MOXD1: variants seen among roughly 807,000 people sequenced by gnomAD.
MOXD1 encodes the protein monooxygenase DBH like 1.
In MOXD1, 62 loss-of-function variants were observed where a neutral mutation model predicts 66.6. The observed-to-expected ratio is 0.93, with a 90% CI of 0.76 to 1.15. The LOEUF (loss-of-function observed/expected upper bound fraction) is 1.15. Among genes scored for constraint, MOXD1 ranks in the 50% most tolerant of loss-of-function variants. The pLI is 0.00. For missense variants in MOXD1, 847 were observed against 754.6 expected, an observed-to-expected ratio of 1.12 and a Z score of -1.44; for synonymous variants, 303 against 281.9, an observed-to-expected ratio of 1.07 and a Z score of -0.75.
At chr6:132,359,325 T>TCTC (rs1775967254) in intron 4 of MOXD1, among the ~76,000 whole-genome samples, 1 of 151,992 alleles carries the variant, frequency 6.6e-6, no homozygotes, top group African/African-American at 2.4e-5. Flanking sequence ...GGTCTCGAAT[T>TCTC]CTCCTCCCAA....
intron 4 of MOXD1, among the ~76,000 whole-genome samples, chr6:132,362,172 C>T (rs1382138449): frequency 6.6e-6 from 1 of 151,936 alleles, no homozygotes; most frequent in Non-Finnish European, 1.5e-5. Flanking sequence ...CTGTGATATC[C>T]TATGGCAACA....
chr6:132,326,880 C>T lies in MOXD1; in HGVS notation c.946+1133G>A, dbSNP rs530271324. ...ACATCACTCTTTAAATATCATACCA[C>T]GTGTCCTCTCTTCAAAATCTATTAT... On this transcript the variant is annotated intron_variant, in intron 6 of 11. Transcript: ENST00000367963. Among the ~76,000 whole-genome samples the T allele has an allele frequency of 7.9e-5, 12 of 152,312 alleles. No individual in the cohort carries two copies. The East Asian group carries it at 1.9e-3, about 24-fold the overall frequency.
chr6:132,338,301 C>T (rs1449733262), intron 4 of MOXD1, among the ~76,000 whole-genome samples: 1 of 152,198 alleles, frequency 6.6e-6, no homozygotes, highest in East Asian at 1.9e-4. Flanking sequence ...ACCAAGAACA[C>T]TTCAGATCCC....
intron 10 of MOXD1, among the ~76,000 whole-genome samples, chr6:132,314,792 T>C (rs531855385): frequency 2.0e-5 from 3 of 152,288 alleles, no homozygotes; most frequent in East Asian, 3.9e-4. Flanking sequence ...CTATTACTAT[T>C]TAAAATATCT....
At chr6:132,324,341 A>T (rs1320680215) in intron 6 of MOXD1, among the ~76,000 whole-genome samples, 2 of 152,338 alleles carry the variant, frequency 1.3e-5, no homozygotes, top group Middle Eastern at 3.4e-3. Context: ...GGACTCACAC[A>T]GCATACTACA....
At chr6:132,334,985 CTA>C (rs1775407612) in intron 4 of MOXD1, among the ~76,000 whole-genome samples, 2 of 152,092 alleles carry the variant, frequency 1.3e-5, no homozygotes. Flanking sequence ...CCAAAAAATT[CTA>C]TGTGTTGCAG....
chr6:132,300,495 T>A (rs1355336118), intron 10 of MOXD1, among the ~76,000 whole-genome samples: 1 of 152,196 alleles, frequency 6.6e-6, no homozygotes, highest in African/African-American at 2.4e-5. Flanking sequence ...GGGAAAATCA[T>A]CAGTCTGTAA....
intron 1 of MOXD1, among the ~76,000 whole-genome samples, chr6:132,397,197 G>A (rs1188282255): frequency 6.6e-6 from 1 of 152,172 alleles, no homozygotes; most frequent in African/African-American, 2.4e-5. Flanking sequence ...AGGAAACAAG[G>A]CTTCATATTC....
rs185415384 is a variant in MOXD1, at chr6:132,351,579, T to C, written c.663+21029A>G. ...TAGGGATTTTAGCATCTAAGTTCAT[T>C]GGTTATATCGGTCAGTAGTTTTCTC... On this transcript the variant is annotated intron_variant, in intron 4 of 11. Transcript: ENST00000367963. 3.9e-3 allele frequency among the ~76,000 whole-genome samples: 589 copies of C among 152,146 alleles called. 3 individuals are homozygous for C. Among genetic ancestry groups the C allele is most frequent in the Middle Eastern group, 0.034 (10 of 294 alleles).
chr6:132,372,945 G>C lies in MOXD1; in HGVS notation c.464C>G (p.Ala155Gly). The stretch of plus-strand genomic sequence containing the variant: ...ATTGGAGTCATGGTACTTGGGACCA[G>C]CTTCTCCTGCATCTTCATGGTGGTA... ...WAYHHEDAGEAGPKYHDSNRG... is the reference protein window; with the variant it reads ...WAYHHEDAGEGGPKYHDSNRG... The change falls in exon 3 of 12, where the codon GCT becomes GGT. Residue 155 changes from alanine (A) to glycine (G), a missense_variant. By Grantham distance (60) the Ala-to-Gly change is moderately conservative. Coordinates refer to ENST00000367963, the MANE Select transcript of MOXD1 (RefSeq NM_015529.4). The C allele has an allele frequency of 6.2e-7, 1 of 1,613,992 alleles. No homozygotes were observed. The highest frequency in any genetic ancestry group is 1.1e-5 in the South Asian group (1 of 91,070).
At chr6:132,383,157 T>G (rs1334116834) in intron 1 of MOXD1, among the ~76,000 whole-genome samples, 1 of 152,200 alleles carries the variant, frequency 6.6e-6, no homozygotes, top group East Asian at 1.9e-4. Flanking sequence ...AAACATTTGT[T>G]TATAATATCA....
At chr6:132,322,287 T>C (rs1215411421) in intron 8 of MOXD1, among the ~76,000 whole-genome samples, 5 of 152,184 alleles carry the variant, frequency 3.3e-5, no homozygotes, top group African/African-American at 1.2e-4. Flanking sequence ...AAAATGAAAC[T>C]TCTAAAAATA....
chr6:132,298,603 C>T (rs1271103350), intron 10 of MOXD1, among the ~76,000 whole-genome samples: 1 of 151,954 alleles, frequency 6.6e-6, no homozygotes, highest in Non-Finnish European at 1.5e-5. Flanking sequence ...TTGATCAATG[C>T]TTCAAAAATT....
intron 7 of MOXD1, 133 bp downstream of exon 7, chr6:132,323,798 A>C (rs1438744160): frequency 1.0e-6 from 1 of 976,344 alleles, no homozygotes; most frequent in East Asian, 2.8e-5. Context: ...TCCTACTAAA[A>C]TTGCGATAAG....
intron 6 of MOXD1, 56 bp from the exon 7 acceptor site, chr6:132,324,153 C>T (rs1775139889): frequency 1.1e-5 from 17 of 1,528,186 alleles, no homozygotes; most frequent in Non-Finnish European, 1.4e-5. Flanking sequence ...GTTTTCATTC[C>T]CAAGAAAATT....
At chr6:132,315,997 T>G (rs1361292017) in intron 9 of MOXD1, among the ~76,000 whole-genome samples, 1 of 152,188 alleles carries the variant, frequency 6.6e-6, no homozygotes, top group East Asian at 1.9e-4. Context: ...AATAACCTAA[T>G]AAATTCTGCG....
At chr6:132,371,055 C>A (rs1274797790) in intron 4 of MOXD1, among the ~76,000 whole-genome samples, 1 of 152,060 alleles carries the variant, frequency 6.6e-6, no homozygotes, top group African/African-American at 2.4e-5. Flanking sequence ...AAGAAATTTA[C>A]AATTAATGTT....
intron 1 of MOXD1, among the ~76,000 whole-genome samples, chr6:132,392,922 T>C (rs187844184): frequency 1.3e-5 from 2 of 152,260 alleles, no homozygotes; most frequent in Non-Finnish European, 2.9e-5. Flanking sequence ...TTAAAGGGCC[T>C]GTGGCCTTAA....
chr6:132,321,673 T>C (rs1775081164), intron 8 of MOXD1, among the ~76,000 whole-genome samples: 1 of 152,156 alleles, frequency 6.6e-6, no homozygotes. Context: ...ATCGCACTTA[T>C]GCCATAATCA....
Sources: allele counts gnomAD v4.1 joint callset (sites outside exome capture counted in the v4.1 genomes callset), GRCh38; gene constraint gnomAD v4.1.1; transcripts MANE v1.5; gene names NCBI Gene and HGNC (gene_info 2026-07-23, HGNC 2026-07-21).